Variants in CCBE1 observed in about 807,000 individuals in gnomAD.
CCBE1 encodes the protein collagen and calcium binding EGF domains 1, also known as collagen and calcium-binding EGF domain-containing protein 1.
In CCBE1, 37 loss-of-function variants were observed where a neutral mutation model predicts 50.0. The ratio of observed to expected loss-of-function variants is 0.74; its 90% CI spans 0.57 to 0.97. CCBE1 has a LOEUF of 0.97. Ranked by LOEUF, CCBE1 falls within the 50% of genes least tolerant of loss-of-function variation. The pLI is 0.00. For synonymous variants in CCBE1, 234 were observed against 203.7 expected (o/e 1.15, Z -1.27); for missense variants, 538 against 523.8 (o/e 1.03, Z -0.26).
intron 2 of CCBE1, among the ~76,000 whole-genome samples, chr18:59,530,803 A>ATTG (rs1306126720): frequency 1.3e-5 from 2 of 152,208 alleles, no homozygotes; most frequent in African/African-American, 4.8e-5. Flanking sequence ...CCACATCCCC[A>ATTG]TTGTTCTCAG....
chr18:59,679,110 G>A (rs2054550372), intron 2 of CCBE1, among the ~76,000 whole-genome samples: 1 of 152,180 alleles, frequency 6.6e-6, no homozygotes, highest in Admixed American at 6.6e-5. Flanking sequence ...TTATTTAAGT[G>A]TTTCTGAATC....
chr18:59,587,439 G>A (rs1270128149), intron 2 of CCBE1, among the ~76,000 whole-genome samples: 1 of 151,812 alleles, frequency 6.6e-6, no homozygotes, highest in African/African-American at 2.4e-5. Context: ...CAACAGTCAT[G>A]TATGAAAAAA....
intron 2 of CCBE1, chr18:59,564,174 C>T (rs1020987156): frequency 4.6e-5 from 7 of 152,150 alleles, no homozygotes; most frequent in Non-Finnish European, 7.4e-5. Context: ...ACTTTCCTTT[C>T]GAAAGTGTTT....
intron 2 of CCBE1, among the ~76,000 whole-genome samples, chr18:59,654,567 T>A (rs2054162197): frequency 6.6e-6 from 1 of 152,114 alleles, no homozygotes; most frequent in Non-Finnish European, 1.5e-5. Context: ...GAGGTTGCAG[T>A]GAGCCGAGAT....
At chr18:59,650,252 T>C (rs892099998) in intron 2 of CCBE1, among the ~76,000 whole-genome samples, 1 of 151,448 alleles carries the variant, frequency 6.6e-6, no homozygotes, top group African/African-American at 2.4e-5. Flanking sequence ...CAGTTTCCAT[T>C]GTCCACCCCT....
At chr18:59,562,279 C>T (rs1369019025) in intron 2 of CCBE1, among the ~76,000 whole-genome samples, 1 of 152,140 alleles carries the variant, frequency 6.6e-6, no homozygotes, top group Admixed American at 6.5e-5. Context: ...AAAAACCAAT[C>T]CATTGGTAAA....
chr18:59,457,290 A>AG (rs1598915958), intron 5 of CCBE1, among the ~76,000 whole-genome samples: 1 of 152,176 alleles, frequency 6.6e-6, no homozygotes, highest in African/African-American at 2.4e-5. Flanking sequence ...CTGAGCAGTA[A>AG]GGGGGAATAG....
intron 2 of CCBE1, among the ~76,000 whole-genome samples, chr18:59,663,165 C>A (rs1248043976): frequency 6.6e-6 from 1 of 152,164 alleles, no homozygotes; most frequent in Non-Finnish European, 1.5e-5. Flanking sequence ...GGAGCAATTG[C>A]TGAGAGAAGA....
At chr18:59,676,656 C>T (rs976606354) in intron 2 of CCBE1, among the ~76,000 whole-genome samples, 8 of 149,560 alleles carry the variant, frequency 5.3e-5, no homozygotes, top group African/African-American at 1.7e-4. Flanking sequence ...AGATCAGCCC[C>T]TGCTCTGACA....
intron 2 of CCBE1, among the ~76,000 whole-genome samples, chr18:59,684,803 A>C (rs915523323): frequency 6.6e-6 from 1 of 152,214 alleles, no homozygotes; most frequent in Non-Finnish European, 1.5e-5. Flanking sequence ...TTGAGTTATA[A>C]CTATCTGGTC....
intron 2 of CCBE1, among the ~76,000 whole-genome samples, chr18:59,541,737 A>G (rs959487633): frequency 6.6e-6 from 1 of 152,170 alleles, no homozygotes; most frequent in African/African-American, 2.4e-5. Flanking sequence ...TCGGAAAAGG[A>G]AGACACAAGA....
In CCBE1 at chr18:59,469,539, T is replaced by G. The variant is rs1911923604; in HGVS notation, c.334A>C (p.Thr112Pro). The change falls in exon 4 of 11, where the codon ACT (threonine) becomes CCT (proline). Residue 112 changes from threonine (T) to proline (P), a missense_variant. Thr to Pro is a conservative substitution (Grantham distance 38). Coordinates refer to ENST00000439986, the MANE Select transcript of CCBE1 (RefSeq NM_133459.4). ...TCATATCGGTATCCCGGATAACAAGTACACAGCACTCGGCCAAAGTTGTCC... is the reference window on the plus strand; with the variant it reads ...TCATATCGGTATCCCGGATAACAAGGACACAGCACTCGGCCAAAGTTGTCC... ...CTDNFGRVLC[T>P]CYPGYRYDRE... 1 of 1,614,184 alleles carries G rather than the reference T, an allele frequency of 6.2e-7. No homozygotes were observed. The highest frequency in any genetic ancestry group is 8.5e-7 in the Non-Finnish European group (1 of 1,180,022).
At chr18:59,468,163 A>G (rs1367201795) in intron 4 of CCBE1, among the ~76,000 whole-genome samples, 1 of 152,168 alleles carries the variant, frequency 6.6e-6, no homozygotes. Flanking sequence ...CCAAGACAGG[A>G]AGCTGAGCCC....
chr18:59,680,743 G>T (rs532822524), intron 2 of CCBE1, among the ~76,000 whole-genome samples: 26 of 151,876 alleles, frequency 1.7e-4, no homozygotes, highest in African/African-American at 6.0e-4. Context: ...AAACAAAAAT[G>T]AAGAAACAAC....
chr18:59,576,017 G>A (rs1328939024), intron 2 of CCBE1, among the ~76,000 whole-genome samples: 1 of 152,194 alleles, frequency 6.6e-6, no homozygotes. Context: ...TGTAAGAAAA[G>A]TTACTAATCT....
chr18:59,478,750 C>G lies in CCBE1; in HGVS notation c.265+1436G>C, dbSNP rs610635. On this transcript the variant is annotated intron_variant, in intron 3 of 10. Coordinates refer to ENST00000439986, the MANE Select transcript of CCBE1 (RefSeq NM_133459.4). ...AAAGGGGCTAAACTTAATTTTCTTTCGAGTCTGCCAAACTGCAACATAAAG... is the reference window on the plus strand; with the variant it reads ...AAAGGGGCTAAACTTAATTTTCTTTGGAGTCTGCCAAACTGCAACATAAAG... Among the ~76,000 whole-genome samples the G allele has an allele frequency of 2.3e-3, 343 of 152,172 alleles. 1 individual carries two copies. The highest frequency in any genetic ancestry group is 7.7e-3 in the African/African-American group (318 of 41,518).
intron 2 of CCBE1, among the ~76,000 whole-genome samples, chr18:59,543,546 C>A (rs1422981686): frequency 6.6e-6 from 1 of 152,108 alleles, no homozygotes; most frequent in Non-Finnish European, 1.5e-5. Context: ...CCGCGAGAGG[C>A]CCCGAGAGGC....
intron 5 of CCBE1, among the ~76,000 whole-genome samples, chr18:59,457,549 G>A (rs1911254992): frequency 6.6e-6 from 1 of 152,154 alleles, no homozygotes; most frequent in Non-Finnish European, 1.5e-5. Flanking sequence ...TTGGTTGTAG[G>A]TAGATGGGAG....
chr18:59,650,635 C>G (rs1015808898), intron 2 of CCBE1, among the ~76,000 whole-genome samples: 4 of 151,450 alleles, frequency 2.6e-5, no homozygotes, highest in African/African-American at 9.7e-5. Context: ...GGAAAGCTCA[C>G]CACGCATTCC....
Sources: gnomAD v4.1 joint callset for allele counts (sites outside exome capture counted in the v4.1 genomes callset) on GRCh38, gnomAD v4.1.1 for gene constraint, MANE v1.5 for transcripts, NCBI Gene and HGNC (gene_info 2026-07-23, HGNC 2026-07-21) for gene names.